Variants in SLC12A7 observed in about 807,000 individuals in gnomAD.
SLC12A7 encodes the protein K-Cl cotransporter 4.
A neutral mutation model predicts 120.6 loss-of-function variants in SLC12A7; 100 were observed. That is an observed-to-expected ratio of 0.83 (90% CI 0.71 to 0.98). SLC12A7 has a LOEUF of 0.98. Among genes scored for constraint, SLC12A7 ranks in the 50% least tolerant of loss-of-function variants. SLC12A7 has a pLI of 0.00. For missense variants in SLC12A7, 1,373 were observed against 1,548.1 expected, an observed-to-expected ratio of 0.89 and a Z score of 1.90; for synonymous variants, 760 against 678.0, an observed-to-expected ratio of 1.12 and a Z score of -1.88.
Position 1,076,790 on chromosome 5 carries a change from T to C in SLC12A7, c.1652A>G (p.Asn551Ser), listed in dbSNP as rs1362803480. 3 of 1,610,134 alleles carry C rather than the reference T, an allele frequency of 1.9e-6. No individual in the cohort carries two copies. The highest frequency in any genetic ancestry group is 1.7e-5 in the Admixed American group (1 of 59,964). ...CAGCAGCGCCCACGTGGGCTCCCCG[T>C]TGGCCTTCCCGTGGCCAAACACCTG... Reference protein sequence around the residue: ...FLQVFGHGKANGEPTWALLLT... With the variant: ...FLQVFGHGKASGEPTWALLLT... The change falls in exon 13 of 24, where the codon AAC becomes AGC. Residue 551 changes from asparagine to serine, a missense_variant. Physicochemically the swap from Asn to Ser is conservative, Grantham distance 46. Transcript: ENST00000264930.
chr5:1,064,047 G>A (rs778169891), intron 19 of SLC12A7, 36 bp downstream of exon 19: 195 of 1,600,152 alleles, frequency 1.2e-4, no homozygotes, highest in South Asian at 5.5e-4. Context: ...TGGGGTGGCC[G>A]TGCTCCGGCT....
At chr5:1,085,189 C>G (rs1383148341) in intron 7 of SLC12A7, 43 bp downstream of exon 7, 2 of 1,601,776 alleles carry the variant, frequency 1.2e-6, no homozygotes, top group Non-Finnish European at 1.7e-6. Context: ...GGACCTGGCC[C>G]CAGCCCCACA....
At chr5:1,073,301 G>A (rs1489311937) in intron 17 of SLC12A7, among the ~76,000 whole-genome samples, 2 of 143,894 alleles carry the variant, frequency 1.4e-5, no homozygotes, top group Non-Finnish European at 3.0e-5. Flanking sequence ...CACTTATGCA[G>A]CCCCCAGTGA....
intron 1 of SLC12A7, among the ~76,000 whole-genome samples, chr5:1,095,214 T>G (rs1368249608): frequency 6.6e-6 from 1 of 152,166 alleles, no homozygotes; most frequent in African/African-American, 2.4e-5. Context: ...TGCCCAGGCC[T>G]TGGTCTAAGA....
At chr5:1,105,313 TCCCCGCAGGGA>T (rs1742425558) in intron 1 of SLC12A7, among the ~76,000 whole-genome samples, 7 of 145,716 alleles carry the variant, frequency 4.8e-5, no homozygotes, top group African/African-American at 1.8e-4. Flanking sequence ...AAAAGGACCC[TCCCCGCAGGGA>T]TGAGGTCCTG....
chr5:1,084,688 C>T (rs1739617750), intron 7 of SLC12A7, among the ~76,000 whole-genome samples: 1 of 152,140 alleles, frequency 6.6e-6, no homozygotes, highest in African/African-American at 2.4e-5. Flanking sequence ...TGAGGCTGTT[C>T]CTTCAGGGGC....
chr5:1,079,703 T>A (rs982665590), intron 9 of SLC12A7, among the ~76,000 whole-genome samples: 5 of 152,126 alleles, frequency 3.3e-5, no homozygotes, highest in Admixed American at 2.0e-4. Context: ...AGCACCCACG[T>A]CTACTGCTCC....
the SLC12A7 span, among the ~76,000 whole-genome samples, chr5:1,132,167 C>T: frequency 6.6e-6 from 1 of 152,220 alleles, no homozygotes; most frequent in Non-Finnish European, 1.5e-5. Context: ...CCTCACTGCT[C>T]ATTACACGCT....
chr5:1,067,138 A>G (rs1299681545), intron 17 of SLC12A7, among the ~76,000 whole-genome samples: 2 of 151,748 alleles, frequency 1.3e-5, no homozygotes, highest in African/African-American at 4.8e-5. Context: ...CTCTCCAGAC[A>G]CCTCCACCTT....
At chr5:1,076,098 A>T (rs1474975499) in intron 14 of SLC12A7, 40 bp downstream of exon 14, 2 of 1,543,992 alleles carry the variant, frequency 1.3e-6, no homozygotes, top group African/African-American at 2.7e-5. Context: ...CCAGTGTCCC[A>T]GCCTGTGGGG....
the SLC12A7 span, among the ~76,000 whole-genome samples, chr5:1,151,881 C>A: frequency 6.6e-6 from 1 of 152,184 alleles, no homozygotes; most frequent in Non-Finnish European, 1.5e-5. The surrounding 1 kb of genome is among the most constrained non-coding windows in gnomAD (Gnocchi z 6.2). Context: ...GGGGGCACGC[C>A]AGGTGACGAA....
In SLC12A7 at chr5:1,053,358, C is replaced by T; in HGVS notation, c.3151G>A (p.Asp1051Asn). Residue 1051 changes from aspartate to asparagine, a missense_variant, in exon 23 of 24, where the codon GAC becomes AAC. Coordinates refer to ENST00000264930, the MANE Select transcript of SLC12A7 (RefSeq NM_006598.3). Reference protein sequence around the residue: ...MPGPPKNRQGDENYMEFLEVL... With the variant: ...MPGPPKNRQGNENYMEFLEVL... The stretch of plus-strand genomic sequence containing the variant: ...CTGCAAGAAAGGATACAGTTCTCGT[C>T]TCCCTGCCGGTTTTTGGGAGGACCT... The T allele has an allele frequency of 6.2e-7, 1 of 1,613,866 alleles. No individual in the cohort carries two copies. The highest frequency in any genetic ancestry group is 8.5e-7 in the Non-Finnish European group (1 of 1,179,950).
chr5:1,114,579 T>C (rs1190273859), upstream of SLC12A7, among the ~76,000 whole-genome samples: 1 of 152,148 alleles, frequency 6.6e-6, no homozygotes, highest in East Asian at 1.9e-4. Flanking sequence ...CCTACCCACC[T>C]CCATCCCTCT....
the SLC12A7 span, among the ~76,000 whole-genome samples, chr5:1,134,007 C>T: frequency 2.4e-4 from 36 of 152,260 alleles, 1 homozygote; most frequent in Admixed American, 1.0e-3. Flanking sequence ...CCTGCTCAGC[C>T]CAGCTAGTCT....
intron 12 of SLC12A7, 82 bp downstream of exon 12, chr5:1,077,751 C>A (rs984443730): frequency 1.0e-5 from 14 of 1,370,030 alleles, no homozygotes; most frequent in Non-Finnish European, 1.3e-5. Context: ...GTCCCACACA[C>A]GGCACTGTGA....
intron 16 of SLC12A7, 92 bp from the exon 17 acceptor site, chr5:1,073,893 C>T (rs1042598392): frequency 8.2e-6 from 10 of 1,219,652 alleles, no homozygotes; most frequent in Admixed American, 6.2e-5. Flanking sequence ...GCGGGGCACA[C>T]GACACAGGTG....
At chr5:1,128,498 G>A in the SLC12A7 span, among the ~76,000 whole-genome samples, 2 of 152,262 alleles carry the variant, frequency 1.3e-5, no homozygotes, top group Non-Finnish European at 2.9e-5. Context: ...CCTTCCTCAT[G>A]TGGTTGATGG....
chr5:1,127,306 C>G, the SLC12A7 span, among the ~76,000 whole-genome samples: 1 of 152,254 alleles, frequency 6.6e-6, no homozygotes, highest in African/African-American at 2.4e-5. Flanking sequence ...AGCCACCACG[C>G]CTGGCCGACT....
intron 1 of SLC12A7, among the ~76,000 whole-genome samples, chr5:1,110,250 C>G (rs1427657688): frequency 1.3e-5 from 2 of 152,268 alleles, no homozygotes; most frequent in Non-Finnish European, 2.9e-5. Context: ...AAGTTCAGCT[C>G]ACACCACAGG....
Sources: allele counts gnomAD v4.1 joint callset (sites outside exome capture counted in the v4.1 genomes callset), GRCh38; gene constraint gnomAD v4.1.1; non-coding constraint Gnocchi (gnomAD v3.1); transcripts MANE v1.5; gene names NCBI Gene and HGNC (gene_info 2026-07-23, HGNC 2026-07-21).